The following PNPLA7 variants were observed in gnomAD, a reference collection of about 807,000 sequenced individuals.
PNPLA7 encodes patatin-like phospholipase domain-containing protein 7.
In PNPLA7, 153 loss-of-function variants were observed where a neutral mutation model predicts 161.7. The observed-to-expected ratio is 0.95, with a 90% CI of 0.83 to 1.08. The LOEUF (loss-of-function observed/expected upper bound fraction) is 1.08, where lower values mean the gene tolerates loss of function less well. Ranked by LOEUF, PNPLA7 falls within the 50% of genes least tolerant of loss-of-function variation. The pLI, the probability that PNPLA7 is intolerant of heterozygous loss-of-function variation, is 0.00. For missense variants in PNPLA7, 1,739 were observed against 1,856.6 expected (o/e 0.94, Z 1.16); for synonymous variants, 809 against 782.1 (o/e 1.03, Z -0.57).
intron 25 of PNPLA7, among the ~76,000 whole-genome samples, chr9:137,475,869 A>T (rs1029570784): frequency 1.6e-4 from 24 of 152,212 alleles, no homozygotes; most frequent in Admixed American, 3.9e-4. Context: ...CTATCACTGA[A>T]GTATGGGAAT....
intron 20 of PNPLA7, chr9:137,491,485 T>A (rs780071640): frequency 4.1e-6 from 4 of 981,248 alleles, no homozygotes; most frequent in Non-Finnish European, 4.8e-6. Context: ...TGCCGGTAAG[T>A]GGAGAGCGAA....
chr9:137,485,041 C>T (rs1201715894), intron 20 of PNPLA7, among the ~76,000 whole-genome samples: 1 of 152,236 alleles, frequency 6.6e-6, no homozygotes, highest in Non-Finnish European at 1.5e-5. Flanking sequence ...ACGCTGTCCC[C>T]AGCCATGTGG....
At chr9:137,528,042 A>C (rs912983290) in intron 8 of PNPLA7, among the ~76,000 whole-genome samples, 6 of 152,330 alleles carry the variant, frequency 3.9e-5, no homozygotes, top group Middle Eastern at 3.4e-3. Context: ...AAGCTGTTCA[A>C]AATATTTCCT....
intron 24 of PNPLA7, 79 bp from the exon 25 acceptor site, chr9:137,478,231 G>T: frequency 9.0e-7 from 1 of 1,114,928 alleles, no homozygotes; most frequent in Non-Finnish European, 1.2e-6. Context: ...TTGACTGGGG[G>T]GAGTTTCCTC....
In PNPLA7 at chr9:137,500,670, G is replaced by T. The variant is rs1199244341; in HGVS notation, c.1757+21C>A. 1 of 1,610,712 alleles carries T rather than the reference G, an allele frequency of 6.2e-7. No individual in the cohort carries two copies. Among genetic ancestry groups the T allele is most frequent in the South Asian group, 1.1e-5 (1 of 90,562 alleles). On this transcript the variant is annotated intron_variant, in intron 16 of 34. Transcript: ENST00000406427. The surrounding 1 kb of genome is among the most constrained non-coding windows in gnomAD (Gnocchi z 5.5). ...AGGGGGGGCTGGGGCCCGCCCTGAG[G>T]TCCTGGCCCGTGGGACTCACTCATA... is the stretch of plus-strand genomic sequence containing the variant.
intron 14 of PNPLA7, among the ~76,000 whole-genome samples, chr9:137,503,089 G>C (rs1833587500): frequency 6.6e-6 from 1 of 152,030 alleles, no homozygotes; most frequent in Non-Finnish European, 1.5e-5. Flanking sequence ...TGTTTAAAGA[G>C]AGAGAAGACT....
In PNPLA7 at chr9:137,523,670, A is replaced by G. The variant is rs572849127; in HGVS notation, c.748-813T>C. ...GAGACAGAGTCTCGTTCTGTCGTCC[A>G]GGCTGGAGTGCAATGGCGTGATCTT... On this transcript the variant is annotated intron_variant, in intron 8 of 34. Coordinates refer to ENST00000406427, the MANE Select transcript of PNPLA7 (RefSeq NM_001098537.3). This position sits in a 1 kb window ranked among gnomAD's most constrained non-coding sequence, Gnocchi z 4.4. Among the ~76,000 whole-genome samples the G allele has an allele frequency of 2.0e-5, 3 of 150,152 alleles. No homozygotes were observed. Among genetic ancestry groups the G allele is most frequent in the African/African-American group, 7.4e-5 (3 of 40,712 alleles).
At chr9:137,488,715 T>C (rs1588581529) in intron 20 of PNPLA7, among the ~76,000 whole-genome samples, 17 of 133,042 alleles carry the variant, frequency 1.3e-4, no homozygotes, top group African/African-American at 2.5e-4. Context: ...CCAGCAGACA[T>C]CCCCCCCCAA....
At position 137,484,607 on chromosome 9, in the gene PNPLA7, T is replaced by G. The variant is rs778348361; in HGVS notation, c.2327A>C (p.Glu776Ala). ...CTTACCGATGGCGCTGAGGGCATGC[T>G]CCAGCTCCAGGGCGAAGGCGGTGAG... Reference protein sequence around the residue: ...VPLTAFALELEHALSAIGPTL... With the variant: ...VPLTAFALELAHALSAIGPTL... Residue 776 changes from glutamate (E) to alanine (A), a missense_variant, in exon 21 of 35, where the codon GAG becomes GCG. Coordinates refer to ENST00000406427, the MANE Select transcript of PNPLA7 (RefSeq NM_001098537.3). The G allele has an allele frequency of 2.5e-6, 4 of 1,610,828 alleles. No homozygotes were observed. The highest frequency in any genetic ancestry group is 3.4e-6 in the Non-Finnish European group (4 of 1,178,370).
chr9:137,470,285 G>T (rs1032871793), intron 25 of PNPLA7, among the ~76,000 whole-genome samples: 10 of 152,156 alleles, frequency 6.6e-5, no homozygotes, highest in African/African-American at 2.4e-4. Flanking sequence ...CAAAGTGCTG[G>T]GATTACAGGT....
At chr9:137,529,656 G>GT (rs542511786) in intron 8 of PNPLA7, among the ~76,000 whole-genome samples, 5,688 of 119,100 alleles carry the variant, frequency 0.048, 200 homozygotes, top group East Asian at 0.087. Context: ...TTGAATCTTT[G>GT]TTTTTTTTTT....
intron 20 of PNPLA7, among the ~76,000 whole-genome samples, chr9:137,488,881 C>T (rs2132200754): frequency 7.0e-6 from 1 of 142,576 alleles, no homozygotes; most frequent in Admixed American, 7.0e-5. Context: ...TACCCCCTAA[C>T]CAGCAGACAT....
intron 26 of PNPLA7, 182 bp from the exon 27 acceptor site, chr9:137,464,638 G>T: frequency 1.6e-6 from 1 of 620,366 alleles, no homozygotes; most frequent in Non-Finnish European, 2.9e-6. Context: ...GAGGCTGGTG[G>T]TCGCCCCAGG....
chr9:137,512,353 C>T (rs1834283431), intron 12 of PNPLA7, among the ~76,000 whole-genome samples: 1 of 152,234 alleles, frequency 6.6e-6, no homozygotes, highest in African/African-American at 2.4e-5. Flanking sequence ...GGACGTGGAG[C>T]AGGGAAGCCA....
At chr9:137,478,790 A>G (rs1038843776) in intron 24 of PNPLA7, 32 of 416,438 alleles carry the variant, frequency 7.7e-5, no homozygotes, top group Admixed American at 4.0e-5. Flanking sequence ...CCCCTGATTC[A>G]GGCCCATCCC....
In PNPLA7 at chr9:137,460,258, A is replaced by C. The variant is rs931863126; in HGVS notation, c.*135T>G. The C allele has an allele frequency of 8.6e-6, 7 of 809,544 alleles. No individual in the cohort carries two copies. In the Admixed American group the frequency reaches 1.9e-4, roughly 23 times the overall value. 50.1% of individuals were successfully genotyped at this position (809,544 alleles called of 1,614,324 possible). A position where few individuals can be genotyped will look rare whatever the true frequency, so the allele number is the denominator to read the frequency against. ...ACAAAGAAGAGGCCCAGAGAACCCT[A>C]ACACAGCCTGGGGCCCCGGGGAAGT... On this transcript the variant is annotated 3_prime_UTR_variant, in exon 35 of 35. Transcript: ENST00000406427.
intron 20 of PNPLA7, chr9:137,492,159 TAC>T (rs1424459982): frequency 1.0e-6 from 1 of 985,002 alleles, no homozygotes; most frequent in Non-Finnish European, 1.2e-6. Flanking sequence ...CAGAAAAAAG[TAC>T]ACCTCAGAAC....
In PNPLA7 at chr9:137,540,637, C is replaced by T; in HGVS notation, c.747+5G>A. 1.2e-6 allele frequency: 2 copies of T among 1,609,182 alleles called. No homozygotes were observed. The highest frequency in any genetic ancestry group is 2.2e-5 in the East Asian group (1 of 44,798). ...GCCCGGAGGGCCAGGCAGCGGGGGA[C>T]TCACGGTGATGATGTCCAGGATGCT... is the stretch of plus-strand genomic sequence containing the variant. On this transcript the variant is annotated splice_donor_5th_base_variant and intron_variant, in intron 8 of 34. Coordinates refer to ENST00000406427, the MANE Select transcript of PNPLA7 (RefSeq NM_001098537.3). This position sits in a 1 kb window ranked among gnomAD's most constrained non-coding sequence, Gnocchi z 5.1.
At position 137,547,550 on chromosome 9, in the gene PNPLA7, C is replaced by G. The variant is rs776234319; in HGVS notation, c.105+35G>C. The G allele has an allele frequency of 6.8e-6, 11 of 1,611,330 alleles. No homozygotes were observed. In the South Asian group the frequency reaches 1.2e-4, roughly 18 times the overall value. ...AGAGGTGAAAAAGGCCACGGCCCAT[C>G]CAGGTCTGGCTCCAGGGAAGCGTGA... On this transcript the variant is annotated intron_variant, in intron 2 of 34. Coordinates refer to ENST00000406427, the MANE Select transcript of PNPLA7 (RefSeq NM_001098537.3). This position sits in a 1 kb window ranked among gnomAD's most constrained non-coding sequence, Gnocchi z 4.6.
Sources: allele counts gnomAD v4.1 joint callset (sites outside exome capture counted in the v4.1 genomes callset), GRCh38; gene constraint gnomAD v4.1.1; non-coding constraint Gnocchi (gnomAD v3.1); transcripts MANE v1.5; gene names NCBI Gene and HGNC (gene_info 2026-07-23, HGNC 2026-07-21).